The following NSMCE2 variants were observed in gnomAD, a reference collection of about 807,000 sequenced individuals.
The protein encoded by NSMCE2 is E3 SUMO-protein ligase NSE2.
In NSMCE2, 24 loss-of-function variants were observed where a neutral mutation model predicts 23.8. The observed-to-expected ratio is 1.01, with a 90% CI of 0.73 to 1.42. The LOEUF is 1.42. NSMCE2 is among the 40% of genes most tolerant of loss of function. The pLI is 0.00. For synonymous variants in NSMCE2, 92 were observed against 94.1 expected, an observed-to-expected ratio of 0.98 and a Z score of 0.13; for missense variants, 284 against 296.5, an observed-to-expected ratio of 0.96 and a Z score of 0.31.
chr8:125,213,913 C>T (rs2130894668), intron 5 of NSMCE2, among the ~76,000 whole-genome samples: 1 of 152,170 alleles, frequency 6.6e-6, no homozygotes, highest in African/African-American at 2.4e-5. Context: ...TATATCTGAT[C>T]CACTTCAACT....
intron 5 of NSMCE2, among the ~76,000 whole-genome samples, chr8:125,228,941 T>A (rs1260496105): frequency 6.6e-6 from 1 of 152,180 alleles, no homozygotes; most frequent in Non-Finnish European, 1.5e-5. Context: ...ACAGAACCAG[T>A]CCTGAAGTCC....
intron 3 of NSMCE2, among the ~76,000 whole-genome samples, chr8:125,137,940 A>G (rs1820155484): frequency 6.6e-6 from 1 of 152,358 alleles, no homozygotes; most frequent in South Asian, 2.1e-4. Context: ...GTATGTGCTC[A>G]ATAGATGTTT....
intron 5 of NSMCE2, among the ~76,000 whole-genome samples, chr8:125,267,881 G>C (rs1046450947): frequency 6.6e-6 from 1 of 152,090 alleles, no homozygotes; most frequent in Non-Finnish European, 1.5e-5. Flanking sequence ...GTTTAATCTG[G>C]TGGAATTAGG....
chr8:125,094,059 C>G (rs754592114), intron 1 of NSMCE2, among the ~76,000 whole-genome samples: 18 of 151,938 alleles, frequency 1.2e-4, no homozygotes, highest in Non-Finnish European at 2.5e-4. Context: ...CTGCCTTGCC[C>G]TTTCAAAGTG....
In NSMCE2 at chr8:125,310,519, A is replaced by C. The variant is rs568491123; in HGVS notation, c.419-46700A>C. On this transcript the variant is annotated intron_variant, in intron 5 of 7. Transcript: ENST00000287437. ...TTTGGTGTATTCAATATGGTTTTCA[A>C]AATAAAGACCAATATCATAAAGTTT... 4.6e-5 allele frequency among the ~76,000 whole-genome samples: 7 copies of C among 152,318 alleles called. 1 individual carries two copies. In the South Asian group the frequency reaches 1.5e-3, roughly 32 times the overall value.
intron 5 of NSMCE2, among the ~76,000 whole-genome samples, chr8:125,252,257 A>G (rs961797474): frequency 1.3e-5 from 2 of 152,218 alleles, no homozygotes; most frequent in African/African-American, 4.8e-5. Context: ...GGCCGGGCAC[A>G]GTGGCTCACG....
At chr8:125,255,590 G>A (rs1826371826) in intron 5 of NSMCE2, among the ~76,000 whole-genome samples, 1 of 152,126 alleles carries the variant, frequency 6.6e-6, no homozygotes, top group Admixed American at 6.5e-5. Flanking sequence ...TGTGCAGAAG[G>A]AATTATGAGC....
intron 5 of NSMCE2, among the ~76,000 whole-genome samples, chr8:125,333,334 T>C (rs539405019): frequency 6.6e-6 from 1 of 151,140 alleles, no homozygotes; most frequent in South Asian, 2.1e-4. Flanking sequence ...CATGCCTGGG[T>C]AATTTTTTAT....
At chr8:125,219,662 G>A (rs1419584379) in intron 5 of NSMCE2, among the ~76,000 whole-genome samples, 1 of 152,020 alleles carries the variant, frequency 6.6e-6, no homozygotes, top group Non-Finnish European at 1.5e-5. Context: ...TATTTTTCTT[G>A]GGCTTTCTGG....
chr8:125,228,791 G>A (rs1012915398), intron 5 of NSMCE2, among the ~76,000 whole-genome samples: 2 of 152,146 alleles, frequency 1.3e-5, no homozygotes, highest in Non-Finnish European at 2.9e-5. Context: ...CTGGCTCTGT[G>A]CTAAGCTCCT....
intron 4 of NSMCE2, chr8:125,156,022 G>C: frequency 2.2e-6 from 1 of 446,318 alleles, no homozygotes; most frequent in Non-Finnish European, 4.5e-6. Context: ...GCGCACGCCT[G>C]TAGTTCCAGC....
At chr8:125,240,580 G>A (rs1336540717) in intron 5 of NSMCE2, among the ~76,000 whole-genome samples, 1 of 152,116 alleles carries the variant, frequency 6.6e-6, no homozygotes, top group East Asian at 1.9e-4. Flanking sequence ...TTCTTTTTCT[G>A]CATCACCTGT....
chr8:125,165,782 A>G (rs1419623484), intron 4 of NSMCE2, among the ~76,000 whole-genome samples: 1 of 152,218 alleles, frequency 6.6e-6, no homozygotes, highest in Non-Finnish European at 1.5e-5. Context: ...TGTGATGGAT[A>G]GAATTCATTT....
chr8:125,357,144 C>A, intron 5 of NSMCE2, 75 bp from the exon 6 acceptor site: 1 of 966,370 alleles, frequency 1.0e-6, no homozygotes, highest in Non-Finnish European at 1.6e-6. Flanking sequence ...AAACTCTTCA[C>A]CTCCCTTCCT....
At chr8:125,279,888 G>C (rs1297775924) in intron 5 of NSMCE2, among the ~76,000 whole-genome samples, 1 of 152,142 alleles carries the variant, frequency 6.6e-6, no homozygotes, top group Admixed American at 6.5e-5. Flanking sequence ...TATTAGCAGA[G>C]GAATGACTTA....
intron 5 of NSMCE2, among the ~76,000 whole-genome samples, chr8:125,268,260 TG>T (rs1827027712): frequency 6.6e-6 from 1 of 151,888 alleles, no homozygotes; most frequent in South Asian, 2.1e-4. Flanking sequence ...AAGTATTTTT[TG>T]AGAAGGTCAA....
At chr8:125,360,452 G>A (rs922523133) in intron 7 of NSMCE2, among the ~76,000 whole-genome samples, 5 of 152,196 alleles carry the variant, frequency 3.3e-5, no homozygotes, top group African/African-American at 7.2e-5. Flanking sequence ...GCCCGACTTC[G>A]TTCTGCTCAC....
Position 125,097,122 on chromosome 8 carries a change from G to A in NSMCE2, c.-110-4929G>A, listed in dbSNP as rs113699866. Among the ~76,000 whole-genome samples, 476 of 152,256 alleles carry A rather than the reference G, an allele frequency of 3.1e-3. 4 individuals are homozygous for A. The highest frequency in any genetic ancestry group is 0.011 in the African/African-American group (449 of 41,524). ...ACAAGCAGTCTCTTTCAATGCAAAT[G>A]TTTGAAGATCATCATTGGCTTTTAT... On this transcript the variant is annotated intron_variant, in intron 1 of 7. Coordinates refer to ENST00000287437, the MANE Select transcript of NSMCE2 (RefSeq NM_173685.4).
chr8:125,239,715 A>G (rs1825694191), intron 5 of NSMCE2, among the ~76,000 whole-genome samples: 1 of 152,202 alleles, frequency 6.6e-6, no homozygotes, highest in African/African-American at 2.4e-5. Flanking sequence ...CCTTCAATAA[A>G]TAATTAATTA....
Sources: gnomAD v4.1 joint callset for allele counts (sites outside exome capture counted in the v4.1 genomes callset) on GRCh38, gnomAD v4.1.1 for gene constraint, MANE v1.5 for transcripts, NCBI Gene and HGNC (gene_info 2026-07-23, HGNC 2026-07-21) for gene names.